Variants in CCDC27 observed in about 807,000 individuals in gnomAD.
CCDC27 encodes the protein coiled-coil domain containing 27.
In CCDC27, 80 loss-of-function variants were observed where a neutral mutation model predicts 80.3. The ratio of observed to expected loss-of-function variants is 1.00; its 90% CI spans 0.83 to 1.20. The LOEUF (loss-of-function observed/expected upper bound fraction) is 1.20, where lower values mean the gene tolerates loss of function less well. Ranked by LOEUF, CCDC27 falls within the 50% of genes most tolerant of loss-of-function variation. The pLI is 0.00. For synonymous variants in CCDC27, 342 were observed against 334.3 expected (o/e 1.02, Z -0.25); for missense variants, 815 against 809.4 (o/e 1.01, Z -0.08).
rs1643153951 is a variant in CCDC27 at position 3,763,734 on chromosome 1, G to A, written c.1350G>A (p.Val450=). 1 of 1,614,080 alleles carries A rather than the reference G, an allele frequency of 6.2e-7. No homozygotes were observed. Among genetic ancestry groups the A allele is most frequent in the Non-Finnish European group, 8.5e-7 (1 of 1,179,980 alleles). ...TGVIASLQQQ[V]DFQETQLRKI... ...TGATTGCGTCTTTACAACAACAAGT[G>A]GATTTCCAAGAAACCCAGCTGCGAA... The change falls in exon 8 of 12, where the codon GTG becomes GTA. Residue 450 remains valine (V), a synonymous_variant. Coordinates refer to ENST00000294600, the MANE Select transcript of CCDC27 (RefSeq NM_152492.3). The surrounding 1 kb of genome is among the most constrained non-coding windows in gnomAD (Gnocchi z 7.5).
chr1:3,759,192 A>G (rs1643030879), intron 4 of CCDC27, among the ~76,000 whole-genome samples: 1 of 151,838 alleles, frequency 6.6e-6, no homozygotes, highest in Admixed American at 6.6e-5. Flanking sequence ...ACGCCAGCCC[A>G]GGCGACAGTG....
rs551264202 is a variant in CCDC27 at position 3,766,938 on chromosome 1, T to A, written c.1531-295T>A. On this transcript the variant is annotated intron_variant, in intron 9 of 11. Transcript: ENST00000294600. This position sits in a 1 kb window ranked among gnomAD's most constrained non-coding sequence, Gnocchi z 6.1. ...TCACTGCAACCTCCGCCTCCTGGGT[T>A]CAAGTGATTCTCCTGCCTCAGTCTC... is the stretch of plus-strand genomic sequence containing the variant. 1.5e-4 allele frequency among the ~76,000 whole-genome samples: 23 copies of A among 151,220 alleles called. No individual in the cohort carries two copies. The highest frequency in any genetic ancestry group is 5.6e-4 in the African/African-American group (23 of 41,102).
intron 10 of CCDC27, 64 bp downstream of exon 10, chr1:3,767,509 T>TGCCCACC (rs1259024628): frequency 1.4e-6 from 2 of 1,429,480 alleles, no homozygotes; most frequent in African/African-American, 2.8e-5. Context: ...CCCAGGCCTC[T>TGCCCACC]GCCCACCGCC....
Position 3,763,548 on chromosome 1 carries a change from G to A in CCDC27, c.1321+74G>A. The stretch of plus-strand genomic sequence containing the variant: ...GGCCCAGGAGCTGGGACGCCCAGAC[G>A]CTGCCTGCTCTGGTCAGTGAGCTGG... On this transcript the variant is annotated intron_variant, in intron 7 of 11. Coordinates refer to ENST00000294600, the MANE Select transcript of CCDC27 (RefSeq NM_152492.3). The surrounding 1 kb of genome is among the most constrained non-coding windows in gnomAD (Gnocchi z 7.5). 2.6e-6 allele frequency: 4 copies of A among 1,546,538 alleles called. No individual in the cohort carries two copies. Among genetic ancestry groups the A allele is most frequent in the South Asian group, 2.5e-5 (2 of 79,982 alleles).
chr1:3,763,113 G>A lies in CCDC27; in HGVS notation c.960G>A (p.Gln320=), dbSNP rs34413843. The stretch of plus-strand genomic sequence containing the variant: ...CTGCCCTACCCATCTTACAGATGCA[G>A]GAGGAGTCTGCGGCACCGGAGAGGG... ...EEELQHWWQM[Q]EESAAPERGK... Residue 320 remains glutamine, a synonymous_variant, in exon 7 of 12, where the codon CAG becomes CAA. Transcript: ENST00000294600. This position sits in a 1 kb window ranked among gnomAD's most constrained non-coding sequence, Gnocchi z 7.5. 15 of 1,475,032 alleles carry A rather than the reference G, an allele frequency of 1.0e-5. No homozygotes were observed. Among genetic ancestry groups the A allele is most frequent in the Non-Finnish European group, 1.2e-5 (13 of 1,112,566 alleles). 91.4% of individuals were successfully genotyped at this position (1,475,032 alleles called of 1,614,324 possible). A position where few individuals can be genotyped will look rare whatever the true frequency, so the allele number is the denominator to read the frequency against.
Position 3,752,553 on chromosome 1 carries a change from G to A in CCDC27, c.72G>A (p.Leu24=), listed in dbSNP as rs757144721. 2.1e-5 allele frequency: 34 copies of A among 1,614,024 alleles called. No homozygotes were observed. The South Asian group carries it at 3.5e-4, about 17-fold the overall frequency. Residue 24 remains leucine (L), a synonymous_variant, in exon 1 of 12, where the codon CTG becomes CTA. Coordinates refer to ENST00000294600, the MANE Select transcript of CCDC27 (RefSeq NM_152492.3). ...GAGATCCACGGGAAAAGCCGGGCCT[G>A]TCCTCATTCAGGTCCACATTCAGGC... The part of the protein sequence containing the change: ...LKRDPREKPG[L]SSFRSTFRQQ...
rs1201224835 is a variant in CCDC27, at chr1:3,766,472, C to T, written c.1453-63C>T. On this transcript the variant is annotated intron_variant, in intron 8 of 11. Coordinates refer to ENST00000294600, the MANE Select transcript of CCDC27 (RefSeq NM_152492.3). The surrounding 1 kb of genome is among the most constrained non-coding windows in gnomAD (Gnocchi z 6.1). ...TTGGGGAAGGAAAAAAGTTAGATGC[C>T]GGAATTCAGTCTGTTATCTAAACCT... The T allele has an allele frequency of 2.5e-5, 30 of 1,191,452 alleles. No homozygotes were observed. Among genetic ancestry groups the T allele is most frequent in the Admixed American group, 8.4e-5 (4 of 47,844 alleles). The allele number at this position is 1,191,452 out of a possible 1,614,324, so 73.8% of individuals were successfully genotyped here.
Position 3,756,816 on chromosome 1 carries a change from A to G in CCDC27, c.637A>G (p.Thr213Ala). The stretch of plus-strand genomic sequence containing the variant: ...AAAATCCCAGACTTTGAGTCCGGTC[A>G]CCAGCAGCTCAGTCGCATCTCAGAG... ...RRKSQTLSPV[T>A]SSSVASQSCL... Residue 213 changes from threonine to alanine, a missense_variant, in exon 4 of 12, where the codon ACC (threonine) becomes GCC (alanine). Thr to Ala is a moderately conservative substitution (Grantham distance 58). Coordinates refer to ENST00000294600, the MANE Select transcript of CCDC27 (RefSeq NM_152492.3). The G allele has an allele frequency of 1.2e-6, 2 of 1,614,032 alleles. No individual in the cohort carries two copies. The highest frequency in any genetic ancestry group is 2.2e-5 in the South Asian group (2 of 91,080).
chr1:3,760,261 A>G lies in CCDC27; in HGVS notation c.712-1020A>G, dbSNP rs753545225. 8.7e-4 allele frequency among the ~76,000 whole-genome samples: 132 copies of G among 152,108 alleles called. No homozygotes were observed. The highest frequency in any genetic ancestry group is 1.5e-3 in the Non-Finnish European group (105 of 68,002). ...AGTGGTAAGAATCCATACTACAAAGATTCCCATGTACTTTTCCATTCCCCA... is the reference window on the plus strand; with the variant it reads ...AGTGGTAAGAATCCATACTACAAAGGTTCCCATGTACTTTTCCATTCCCCA... On this transcript the variant is annotated intron_variant, in intron 4 of 11. Coordinates refer to ENST00000294600, the MANE Select transcript of CCDC27 (RefSeq NM_152492.3). The surrounding 1 kb of genome is among the most constrained non-coding windows in gnomAD (Gnocchi z 4.3).
rs1643086546 is a variant in CCDC27 at position 3,761,555 on chromosome 1, C to T, written c.861+125C>T. The T allele has an allele frequency of 8.9e-7, 1 of 1,127,386 alleles. No homozygotes were observed. The highest frequency in any genetic ancestry group is 1.2e-6 in the Non-Finnish European group (1 of 805,214). The allele number at this position is 1,127,386 out of a possible 1,614,324, so 69.8% of individuals were successfully genotyped here. The stretch of plus-strand genomic sequence containing the variant: ...GGCCCCCTGGATCCTATCAGGTCCT[C>T]ACTGGAACGTGGACCGGTTCTCAGG... On this transcript the variant is annotated intron_variant, in intron 5 of 11. Transcript: ENST00000294600. This position sits in a 1 kb window ranked among gnomAD's most constrained non-coding sequence, Gnocchi z 5.0.
chr1:3,766,044 A>AT lies in CCDC27; in HGVS notation c.1453-485dup, dbSNP rs1643220171. 6.6e-6 allele frequency among the ~76,000 whole-genome samples: 1 copy of AT among 151,836 alleles called. No individual in the cohort carries two copies. On this transcript the variant is annotated intron_variant, in intron 8 of 11. Transcript: ENST00000294600. The surrounding 1 kb of genome is among the most constrained non-coding windows in gnomAD (Gnocchi z 6.1). ...ACCACCACACCCAACCAATGTTCTTATTTTTTGTAGAGATAGGATCTATGT... is the reference window on the plus strand; with the variant it reads ...ACCACCACACCCAACCAATGTTCTTATTTTTTTGTAGAGATAGGATCTATGT...
chr1:3,769,641 T>G lies in CCDC27; in HGVS notation c.1744-142T>G. ...TCCACATTGACTTCTCTGACACCTG[T>G]TTCCAGTTTCTAAAGCCATGAAAAG... On this transcript the variant is annotated intron_variant, in intron 10 of 11. Transcript: ENST00000294600. This position sits in a 1 kb window ranked among gnomAD's most constrained non-coding sequence, Gnocchi z 4.6. 2 of 652,162 alleles carry G rather than the reference T, an allele frequency of 3.1e-6. No homozygotes were observed. Among genetic ancestry groups the G allele is most frequent in the Non-Finnish European group, 5.6e-6 (2 of 358,234 alleles). 40.4% of individuals were successfully genotyped at this position (652,162 alleles called of 1,614,324 possible).
At position 3,766,220 on chromosome 1, in the gene CCDC27, C is replaced by T. The variant is rs536367862; in HGVS notation, c.1453-315C>T. ...CACCAATCATCCTCATTTTAGCCTCCATGTTTAGAAGAACCCAGACCAACA... is the reference window on the plus strand; with the variant it reads ...CACCAATCATCCTCATTTTAGCCTCTATGTTTAGAAGAACCCAGACCAACA... On this transcript the variant is annotated intron_variant, in intron 8 of 11. Transcript: ENST00000294600. The surrounding 1 kb of genome is among the most constrained non-coding windows in gnomAD (Gnocchi z 6.1). Among the ~76,000 whole-genome samples the T allele has an allele frequency of 5.9e-5, 9 of 152,304 alleles. 1 individual carries two copies. The South Asian group carries it at 1.9e-3, about 32-fold the overall frequency.
intron 1 of CCDC27, 118 bp downstream of exon 1, chr1:3,752,917 G>GAACCCA (rs1642859161): frequency 3.1e-5 from 36 of 1,166,382 alleles, no homozygotes; most frequent in Non-Finnish European, 3.7e-5. Flanking sequence ...CTGGTGATGG[G>GAACCCA]TTACCAAAGG....
intron 6 of CCDC27, 170 bp downstream of exon 6, chr1:3,762,882 G>A: frequency 3.8e-6 from 3 of 790,190 alleles, no homozygotes; most frequent in Non-Finnish European, 5.9e-6. Flanking sequence ...CCCCTTGAAG[G>A]CACAGGTCAG....
At chr1:3,770,588 T>A (rs1643335815) in intron 11 of CCDC27, among the ~76,000 whole-genome samples, 2 of 152,208 alleles carry the variant, frequency 1.3e-5, no homozygotes, top group Admixed American at 1.3e-4. Context: ...AGGGGTCACC[T>A]CTCACCAGGA....
rs762252512 is a variant in CCDC27, at chr1:3,771,404, A to T, written c.1852A>T (p.Ile618Phe). 1 of 1,613,966 alleles carries T rather than the reference A, an allele frequency of 6.2e-7. No homozygotes were observed. Among genetic ancestry groups the T allele is most frequent in the Admixed American group, 1.7e-5 (1 of 60,020 alleles). ...DNDILEALQR[I>F]ISERSDYYNQ... ...GACGGCTGTGTTTCTTGTGTAGAGAATTATCTCAGAGAGAAGCGACTACTA... is the reference window on the plus strand; with the variant it reads ...GACGGCTGTGTTTCTTGTGTAGAGATTTATCTCAGAGAGAAGCGACTACTA... The change falls in exon 12 of 12, where the codon ATT becomes TTT. Residue 618 changes from isoleucine to phenylalanine, a missense_variant. Physicochemically the swap from Ile to Phe is conservative, Grantham distance 21. Transcript: ENST00000294600.
At chr1:3,756,176 C>A (rs1024321797) in intron 3 of CCDC27, 2 of 154,764 alleles carry the variant, frequency 1.3e-5, no homozygotes, top group African/African-American at 4.8e-5. Context: ...CCCGTCTCTA[C>A]TAAAAACACA....
At position 3,761,931 on chromosome 1, in the gene CCDC27, C is replaced by A. The variant is rs1322986671; in HGVS notation, c.861+501C>A. On this transcript the variant is annotated intron_variant, in intron 5 of 11. Transcript: ENST00000294600. The surrounding 1 kb of genome is among the most constrained non-coding windows in gnomAD (Gnocchi z 5.0). ...GCCCTGGCCAGGAATCCCTTCTCCC[C>A]ACTCTCTGGCTGTGAAGCCCCCTGC... Among the ~76,000 whole-genome samples, 1 of 151,544 alleles carries A rather than the reference C, an allele frequency of 6.6e-6. No homozygotes were observed. The highest frequency in any genetic ancestry group is 1.5e-5 in the Non-Finnish European group (1 of 67,854).
Sources: allele counts gnomAD v4.1 joint callset (sites outside exome capture counted in the v4.1 genomes callset), GRCh38; gene constraint gnomAD v4.1.1; non-coding constraint Gnocchi (gnomAD v3.1); transcripts MANE v1.5; gene names NCBI Gene and HGNC (gene_info 2026-07-23, HGNC 2026-07-21).